SRFBP1: variants seen among roughly 807,000 people sequenced by gnomAD.
SRFBP1 encodes the protein serum response factor binding protein 1.
SRFBP1 carries 47 observed loss-of-function variants against 45.5 expected under a neutral mutation model. That is an observed-to-expected ratio of 1.03 (90% CI 0.82 to 1.32). The LOEUF (loss-of-function observed/expected upper bound fraction) is 1.32. Among genes scored for constraint, SRFBP1 ranks in the 40% most tolerant of loss-of-function variants. The pLI, the probability that SRFBP1 is intolerant of heterozygous loss-of-function variation, is 0.00. For missense variants in SRFBP1, 621 were observed against 484.6 expected (o/e 1.28, Z -2.64); for synonymous variants, 203 against 166.3 (o/e 1.22, Z -1.70).
At chr5:121,962,115 C>G (rs1285115513) in intron 1 of SRFBP1, 47 bp downstream of exon 1, 3 of 1,610,860 alleles carry the variant, frequency 1.9e-6, no homozygotes, top group Non-Finnish European at 2.5e-6. Flanking sequence ...GTCCTCAAAA[C>G]CAGCTCTTTT....
At chr5:122,010,569 T>TA (rs1051642182) in intron 4 of SRFBP1, among the ~76,000 whole-genome samples, 1 of 152,172 alleles carries the variant, frequency 6.6e-6, no homozygotes. Flanking sequence ...ACAAAGCTAT[T>TA]ACTTCCTCCA....
chr5:122,006,411 C>G (rs1291879762), intron 4 of SRFBP1, among the ~76,000 whole-genome samples: 2 of 152,072 alleles, frequency 1.3e-5, no homozygotes, highest in Non-Finnish European at 2.9e-5. Flanking sequence ...CCTTTGACCT[C>G]CCTGTACCTG....
chr5:122,005,937 A>G (rs1752964473), intron 4 of SRFBP1, among the ~76,000 whole-genome samples: 1 of 152,150 alleles, frequency 6.6e-6, no homozygotes, highest in Non-Finnish European at 1.5e-5. Context: ...AGTGATTTGC[A>G]CACCCCCATT....
At chr5:121,974,939 A>G (rs1752271094) in intron 2 of SRFBP1, among the ~76,000 whole-genome samples, 1 of 151,944 alleles carries the variant, frequency 6.6e-6, no homozygotes, top group Non-Finnish European at 1.5e-5. Context: ...GCCAGAGAGC[A>G]AATTTTCATT....
At chr5:122,075,479 CT>C (rs1434981572) in exon 3 of SRFBP1, 1 of 1,613,346 alleles carries the variant, frequency 6.2e-7, no homozygotes, top group Admixed American at 1.7e-5. Context: ...GTTTTTCACT[CT>C]TTGGGGAAAT....
intron 2 of SRFBP1, among the ~76,000 whole-genome samples, chr5:122,069,273 T>C (rs1241957012): frequency 6.6e-6 from 1 of 152,096 alleles, no homozygotes; most frequent in Non-Finnish European, 1.5e-5. Context: ...GAGTGTTGAG[T>C]ATCATTCCAA....
intron 2 of SRFBP1, among the ~76,000 whole-genome samples, chr5:122,040,915 T>C (rs893290988): frequency 2.0e-5 from 3 of 152,228 alleles, no homozygotes; most frequent in Middle Eastern, 3.4e-3. Context: ...ATTTCCTCCT[T>C]TTTGCTTTTT....
chr5:122,029,364 A>G (rs556523841), downstream of SRFBP1, among the ~76,000 whole-genome samples: 6 of 152,114 alleles, frequency 3.9e-5, no homozygotes, highest in Non-Finnish European at 8.8e-5. Context: ...TCAGAACACA[A>G]ACTATACCTG....
chr5:122,003,908 T>G (rs1355333193), intron 4 of SRFBP1, among the ~76,000 whole-genome samples: 1 of 152,180 alleles, frequency 6.6e-6, no homozygotes, highest in Non-Finnish European at 1.5e-5. Context: ...ATTGGGTTGT[T>G]TACTTGCTAG....
Position 122,027,183 on chromosome 5 carries a change from C to T in SRFBP1, c.*57C>T. The T allele has an allele frequency of 7.1e-7, 1 of 1,400,914 alleles. No individual in the cohort carries two copies. Among genetic ancestry groups the T allele is most frequent in the Non-Finnish European group, 9.8e-7 (1 of 1,022,262 alleles). The allele number at this position is 1,400,914 out of a possible 1,614,324, so 86.8% of individuals were successfully genotyped here. ...AAAAAAAAAAATGTTTTTTTTAAGACAGGATCTCATTCTGTTGCCCAGACT... is the reference window on the plus strand; with the variant it reads ...AAAAAAAAAAATGTTTTTTTTAAGATAGGATCTCATTCTGTTGCCCAGACT... On this transcript the variant is annotated 3_prime_UTR_variant, in exon 8 of 8. Coordinates refer to ENST00000339397, the MANE Select transcript of SRFBP1 (RefSeq NM_152546.3).
intron 2 of SRFBP1, among the ~76,000 whole-genome samples, chr5:122,071,502 C>T (rs1300878211): frequency 6.6e-6 from 1 of 152,082 alleles, no homozygotes; most frequent in Admixed American, 6.6e-5. Flanking sequence ...CTAAAATATT[C>T]ACATCAATAA....
At chr5:121,962,296 G>T (rs1020880983) in intron 1 of SRFBP1, among the ~76,000 whole-genome samples, 1 of 152,204 alleles carries the variant, frequency 6.6e-6, no homozygotes, top group African/African-American at 2.4e-5. Context: ...ATGTCTGTGG[G>T]ACTTTGGGAA....
intron 2 of SRFBP1, chr5:122,069,914 T>C (rs775652038): frequency 1.3e-6 from 1 of 742,494 alleles, no homozygotes; most frequent in South Asian, 1.4e-5. Context: ...AAAATCAGAC[T>C]GCATACCATT....
chr5:122,008,174 G>C lies in SRFBP1; in HGVS notation c.271-11086G>C, dbSNP rs1467223983. Among the ~76,000 whole-genome samples, 3 of 152,062 alleles carry C rather than the reference G, an allele frequency of 2.0e-5. No homozygotes were observed. In the East Asian group the frequency reaches 5.8e-4, roughly 29 times the overall value. Reference sequence around the variant, plus strand: ...TGATACTGGGCTGCCCTGAAGCCTAGGGCTGGCCCGAAGCCTGGGGCCATG... The same window carrying C: ...TGATACTGGGCTGCCCTGAAGCCTACGGCTGGCCCGAAGCCTGGGGCCATG... On this transcript the variant is annotated intron_variant, in intron 4 of 7. Coordinates refer to ENST00000339397, the MANE Select transcript of SRFBP1 (RefSeq NM_152546.3).
At chr5:121,986,507 A>G (rs968828952) in intron 3 of SRFBP1, among the ~76,000 whole-genome samples, 13 of 152,192 alleles carry the variant, frequency 8.5e-5, no homozygotes, top group African/African-American at 3.1e-4. Flanking sequence ...ATGTTTATTA[A>G]TAGGGCCTTA....
intron 4 of SRFBP1, among the ~76,000 whole-genome samples, chr5:122,016,430 T>C (rs1441087233): frequency 6.6e-6 from 1 of 152,220 alleles, no homozygotes; most frequent in African/African-American, 2.4e-5. Context: ...AGCTGCTCTA[T>C]AGTTTGACTT....
chr5:122,070,595 A>G (rs1386711100), intron 2 of SRFBP1: 5 of 1,491,342 alleles, frequency 3.4e-6, no homozygotes, highest in Non-Finnish European at 4.6e-6. Context: ...AATCCCTAAG[A>G]TAAACAAAAT....
At chr5:122,014,333 A>G (rs988088670) in intron 4 of SRFBP1, among the ~76,000 whole-genome samples, 7 of 152,144 alleles carry the variant, frequency 4.6e-5, no homozygotes, top group African/African-American at 1.4e-4. Flanking sequence ...TTATATACCT[A>G]CATACCCTGT....
At chr5:122,039,114 G>A (rs1471778841) in intron 2 of SRFBP1, among the ~76,000 whole-genome samples, 3 of 152,134 alleles carry the variant, frequency 2.0e-5, no homozygotes, top group African/African-American at 7.2e-5. Context: ...GTGAGATATC[G>A]TAACTATAAC....
Sources: allele counts gnomAD v4.1 joint callset (sites outside exome capture counted in the v4.1 genomes callset), GRCh38; gene constraint gnomAD v4.1.1; transcripts MANE v1.5; gene names NCBI Gene and HGNC (gene_info 2026-07-23, HGNC 2026-07-21).